Variants in RIPK4 observed in about 807,000 individuals in gnomAD.
RIPK4 encodes receptor-interacting serine/threonine-protein kinase 4.
Under a neutral mutation model 42.9 loss-of-function variants are expected in RIPK4, and 17 were observed. That is an observed-to-expected ratio of 0.40 (90% CI 0.27 to 0.59). The LOEUF is 0.59. Among genes scored for constraint, RIPK4 ranks in the 20% least tolerant of loss-of-function variants. The probability of loss-of-function intolerance (pLI) is 0.47; values close to 1 mark genes in which losing one functional copy is unlikely to be tolerated. For synonymous variants in RIPK4, 498 were observed against 499.1 expected, an observed-to-expected ratio of 1.00 and a Z score of 0.03; for missense variants, 897 against 1,104.4, an observed-to-expected ratio of 0.81 and a Z score of 2.66.
intron 3 of RIPK4, among the ~76,000 whole-genome samples, chr21:41,750,458 A>AAC (rs1601679183): frequency 6.6e-6 from 1 of 152,354 alleles, no homozygotes; most frequent in East Asian, 1.9e-4. Flanking sequence ...GGAAAGTACA[A>AAC]ACACACATGC....
chr21:41,758,041 T>TATATATATATAGAGAGAGAGAG (rs1452050960), intron 1 of RIPK4, among the ~76,000 whole-genome samples: 1 of 58,488 alleles, frequency 1.7e-5, no homozygotes, highest in Non-Finnish European at 2.8e-5. Flanking sequence ...TATATATATA[T>TATATATATATAGAGAGAGAGAG]AGAGAGAGAG....
Position 41,751,358 on chromosome 21 carries a change from A to G in RIPK4, c.475-113T>C, listed in dbSNP as rs2061187922. On this transcript the variant is annotated intron_variant, in intron 2 of 7. Coordinates refer to ENST00000332512, the MANE Select transcript of RIPK4 (RefSeq NM_020639.3). This position sits in a 1 kb window ranked among gnomAD's most constrained non-coding sequence, Gnocchi z 4.5. The stretch of plus-strand genomic sequence containing the variant: ...AGAGGGTGGGTGAGAGCTTTCCAGG[A>G]GCCCCTAAGAGCCGTGTCTGTGCCT... 2 of 1,365,188 alleles carry G rather than the reference A, an allele frequency of 1.5e-6. No homozygotes were observed. The highest frequency in any genetic ancestry group is 2.0e-6 in the Non-Finnish European group (2 of 1,010,504). The allele number at this position is 1,365,188 out of a possible 1,614,324, so 84.6% of individuals were successfully genotyped here.
chr21:41,751,073 G>T lies in RIPK4; in HGVS notation c.623+24C>A. 6.2e-7 allele frequency: 1 copy of T among 1,605,568 alleles called. No individual in the cohort carries two copies. The highest frequency in any genetic ancestry group is 1.3e-5 in the African/African-American group (1 of 74,888). On this transcript the variant is annotated intron_variant, in intron 3 of 7. Transcript: ENST00000332512. This position sits in a 1 kb window ranked among gnomAD's most constrained non-coding sequence, Gnocchi z 4.5. The stretch of plus-strand genomic sequence containing the variant: ...TTGAGAGCCCCTGGCACCCACAGGG[G>T]ATGGGGGGCGGCATGTCACACACCT...
rs562205957 is a variant in RIPK4 at position 41,747,593 on chromosome 21, C to T, written c.674-822G>A. On this transcript the variant is annotated intron_variant, in intron 4 of 7. Coordinates refer to ENST00000332512, the MANE Select transcript of RIPK4 (RefSeq NM_020639.3). The stretch of plus-strand genomic sequence containing the variant: ...GCCTCAGCAGGTGTGGAAAATCAGC[C>T]GAGAATCACCCACGGCTGCCAGGAT... Among the ~76,000 whole-genome samples, 9 of 152,292 alleles carry T rather than the reference C, an allele frequency of 5.9e-5. No homozygotes were observed. In the East Asian group the frequency reaches 1.5e-3, roughly 26 times the overall value.
intron 7 of RIPK4, among the ~76,000 whole-genome samples, chr21:41,743,091 C>A (rs1318526832): frequency 6.6e-6 from 1 of 152,202 alleles, no homozygotes; most frequent in Non-Finnish European, 1.5e-5. Context: ...TCCAATCCAC[C>A]AGGAAAAGCC....
At chr21:41,761,570 G>T (rs573717355) in intron 1 of RIPK4, among the ~76,000 whole-genome samples, 15 of 152,116 alleles carry the variant, frequency 9.9e-5, no homozygotes, top group African/African-American at 3.6e-4. Flanking sequence ...CTGTGCAACC[G>T]TGTGAGGCAC....
chr21:41,744,065 G>A lies in RIPK4; in HGVS notation c.1012C>T (p.Gln338Ter), dbSNP rs773154535. 6.2e-7 allele frequency: 1 copy of A among 1,612,822 alleles called. No individual in the cohort carries two copies. Among genetic ancestry groups the A allele is most frequent in the Non-Finnish European group, 8.5e-7 (1 of 1,179,762 alleles). The change falls in exon 7 of 8, where the codon CAG (glutamine) becomes TAG (stop). Residue 338 changes from glutamine (Q) to a stop codon, truncating the protein, a stop_gained. Coordinates refer to ENST00000332512, the MANE Select transcript of RIPK4 (RefSeq NM_020639.3). LOFTEE classifies it high-confidence loss of function. ...NDYSLSELLSQLDSGVSQAVE... is the reference protein window; with the variant it reads ...NDYSLSELLS Reference sequence around the variant, plus strand: ...GCCTGGGAAACTCCAGAGTCCAGCTGTGAGAGCAGCTCGGAGAGGCTGTAG... The same window carrying A: ...GCCTGGGAAACTCCAGAGTCCAGCTATGAGAGCAGCTCGGAGAGGCTGTAG...
rs1426769436 is a variant in RIPK4, at chr21:41,751,406, C to T, written c.475-161G>A. On this transcript the variant is annotated intron_variant, in intron 2 of 7. Coordinates refer to ENST00000332512, the MANE Select transcript of RIPK4 (RefSeq NM_020639.3). This position sits in a 1 kb window ranked among gnomAD's most constrained non-coding sequence, Gnocchi z 4.5. The stretch of plus-strand genomic sequence containing the variant: ...CCTCTCCAGGTAGCCCTGCCCCAGG[C>T]AGGGAGGGAGACAGATTCTGGGGCA... 6.6e-6 allele frequency among the ~76,000 whole-genome samples: 1 copy of T among 152,210 alleles called. No homozygotes were observed. Among genetic ancestry groups the T allele is most frequent in the Non-Finnish European group, 1.5e-5 (1 of 68,034 alleles).
At position 41,751,672 on chromosome 21, in the gene RIPK4, C is replaced by T. The variant is rs1027004543; in HGVS notation, c.475-427G>A. Among the ~76,000 whole-genome samples the T allele has an allele frequency of 6.6e-6, 1 of 152,190 alleles. No homozygotes were observed. The highest frequency in any genetic ancestry group is 2.4e-5 in the African/African-American group (1 of 41,454). On this transcript the variant is annotated intron_variant, in intron 2 of 7. Transcript: ENST00000332512. The surrounding 1 kb of genome is among the most constrained non-coding windows in gnomAD (Gnocchi z 4.5). ...AGACCAGGTCTGCTCCTAGAGAAGT[C>T]GGGGAGCAGGTTATGCAACCTGCCA...
intron 1 of RIPK4, 48 bp from the exon 2 acceptor site, chr21:41,756,864 C>T (rs1166074841): frequency 6.3e-7 from 1 of 1,580,028 alleles, no homozygotes; most frequent in Non-Finnish European, 8.6e-7. Context: ...CACTCAGCCA[C>T]AAACATGGAA....
At chr21:41,761,759 C>T (rs1452110951) in intron 1 of RIPK4, among the ~76,000 whole-genome samples, 13 of 152,218 alleles carry the variant, frequency 8.5e-5, no homozygotes, top group Non-Finnish European at 1.6e-4. Context: ...GGCTGAGTAG[C>T]TTATTAAGTG....
At position 41,743,958 on chromosome 21, in the gene RIPK4, C is replaced by A. The variant is rs61744790; in HGVS notation, c.1119G>T (p.Gly373=). The part of the protein sequence containing the change: ...PSSGSGKRLS[G]VSSVDSAFSS... Reference sequence around the variant, plus strand: ...AGAAGGCGGAGTCCACCGAGGACACCCCCGAGAGCCTCTTCCCACTGCCGG... The same window carrying A: ...AGAAGGCGGAGTCCACCGAGGACACACCCGAGAGCCTCTTCCCACTGCCGG... Residue 373 remains glycine, a synonymous_variant, in exon 7 of 8, where the codon GGG becomes GGT. Coordinates refer to ENST00000332512, the MANE Select transcript of RIPK4 (RefSeq NM_020639.3). 1.8e-3 allele frequency: 2,827 copies of A among 1,613,384 alleles called. 44 individuals are homozygous for A. In the African/African-American group the frequency reaches 0.034, roughly 19 times the overall value.
chr21:41,756,922 C>T, intron 1 of RIPK4, 106 bp from the exon 2 acceptor site: 2 of 1,179,804 alleles, frequency 1.7e-6, no homozygotes, highest in Non-Finnish European at 2.4e-6. Flanking sequence ...TGAGCAAATG[C>T]CTCAAGTGCA....
intron 4 of RIPK4, among the ~76,000 whole-genome samples, chr21:41,747,514 T>A (rs1393738856): frequency 6.6e-6 from 1 of 152,106 alleles, no homozygotes; most frequent in Admixed American, 6.5e-5. Context: ...CTCTCTGCCC[T>A]CCAGATCCAA....
Position 41,745,801 on chromosome 21 carries a change from A to T in RIPK4, c.894T>A (p.Ala298=), listed in dbSNP as rs761101042. 1 of 1,614,148 alleles carries T rather than the reference A, an allele frequency of 6.2e-7. No homozygotes were observed. The highest frequency in any genetic ancestry group is 8.5e-7 in the Non-Finnish European group (1 of 1,180,006). Residue 298 remains alanine (A), a synonymous_variant, in exon 6 of 8, where the codon GCT becomes GCA. Coordinates refer to ENST00000332512, the MANE Select transcript of RIPK4 (RefSeq NM_020639.3). ...GGGGGCTTTTCACGTCCAGATCATG[A>T]GCAGTTTCTTTCACTTCGTCATCAG... ...EKPDDEVKET[A]HDLDVKSPPE...
intron 5 of RIPK4, 56 bp downstream of exon 5, chr21:41,746,557 A>C (rs1601677179): frequency 6.3e-7 from 1 of 1,592,822 alleles, no homozygotes; most frequent in Non-Finnish European, 8.5e-7. Flanking sequence ...CCTGTCTGTC[A>C]CCTCTGTCTC....
intron 7 of RIPK4, 65 bp downstream of exon 7, chr21:41,743,817 C>T: frequency 6.6e-7 from 1 of 1,506,480 alleles, no homozygotes; most frequent in Non-Finnish European, 8.9e-7. Flanking sequence ...TAGCTTCTCA[C>T]TGAGTCCAGT....
At chr21:41,747,871 T>C (rs183587016) in intron 4 of RIPK4, among the ~76,000 whole-genome samples, 2 of 152,330 alleles carry the variant, frequency 1.3e-5, no homozygotes, top group East Asian at 1.9e-4. Context: ...TGCAATTTTT[T>C]GAATTTGAAA....
intron 1 of RIPK4, among the ~76,000 whole-genome samples, chr21:41,762,588 C>T (rs1394532157): frequency 6.6e-6 from 1 of 152,188 alleles, no homozygotes; most frequent in Non-Finnish European, 1.5e-5. Context: ...CAACAAGCTG[C>T]AAGAAGAGGC....
Sources: allele counts gnomAD v4.1 joint callset (sites outside exome capture counted in the v4.1 genomes callset), GRCh38; gene constraint gnomAD v4.1.1; non-coding constraint Gnocchi (gnomAD v3.1); transcripts MANE v1.5; gene names NCBI Gene and HGNC (gene_info 2026-07-23, HGNC 2026-07-21).